Variants in MSI2 observed in about 807,000 individuals in gnomAD.
MSI2 encodes musashi RNA binding protein 2.
In MSI2, 17 loss-of-function variants were observed where a neutral mutation model predicts 45.6. The observed-to-expected ratio is 0.37, with a 90% CI of 0.26 to 0.56. MSI2 has a LOEUF of 0.56. Among genes scored for constraint, MSI2 ranks in the 20% least tolerant of loss-of-function variants. The probability of loss-of-function intolerance (pLI) is 0.77; values close to 1 mark genes in which losing one functional copy is unlikely to be tolerated. For synonymous variants in MSI2, 156 were observed against 158.2 expected, an observed-to-expected ratio of 0.99 and a Z score of 0.11; for missense variants, 293 against 444.2, an observed-to-expected ratio of 0.66 and a Z score of 3.06.
chr17:57,314,777 G>T (rs1371093539), intron 5 of MSI2, among the ~76,000 whole-genome samples: 1 of 151,952 alleles, frequency 6.6e-6, no homozygotes, highest in East Asian at 1.9e-4. Flanking sequence ...TCGCTATGTT[G>T]GCCAGGATGG....
chr17:57,474,542 C>A (rs1284908730), intron 6 of MSI2, among the ~76,000 whole-genome samples: 84 of 152,094 alleles, frequency 5.5e-4, no homozygotes, highest in Non-Finnish European at 1.0e-4. Flanking sequence ...CCAGTCATGA[C>A]AATCAAAAAT....
intron 5 of MSI2, among the ~76,000 whole-genome samples, chr17:57,359,088 C>T (rs1373413979): frequency 6.6e-6 from 1 of 152,042 alleles, no homozygotes; most frequent in Non-Finnish European, 1.5e-5. Context: ...GGCAGGGGCC[C>T]CTTCCTTTCT....
In MSI2 at chr17:57,280,615, G is replaced by A. The variant is rs1909332707; in HGVS notation, c.312+18423G>A. ...GTTGGCCCATGCAGGGGACAGGCAG[G>A]GCAGGTGTGCCTGGCTCAGGGGGTT... On this transcript the variant is annotated intron_variant, in intron 5 of 13. Coordinates refer to ENST00000284073, the MANE Select transcript of MSI2 (RefSeq NM_138962.4). This position sits in a 1 kb window ranked among gnomAD's most constrained non-coding sequence, Gnocchi z 4.2. Among the ~76,000 whole-genome samples the A allele has an allele frequency of 6.6e-6, 1 of 152,116 alleles. No individual in the cohort carries two copies. Among genetic ancestry groups the A allele is most frequent in the South Asian group, 2.1e-4 (1 of 4,822 alleles).
intron 10 of MSI2, among the ~76,000 whole-genome samples, chr17:57,647,274 CAAAAAAAAAAA>C (rs33915774): frequency 0.047 from 1,756 of 37,722 alleles, 50 homozygotes; most frequent in African/African-American, 0.14. Context: ...ACTAAAAATA[CAAAAAAAAAAA>C]AAAAAAAAAA....
chr17:57,431,739 G>A (rs1012558297), intron 6 of MSI2, among the ~76,000 whole-genome samples: 18 of 152,220 alleles, frequency 1.2e-4, no homozygotes, highest in African/African-American at 4.3e-4. Context: ...GTGGCAAGAA[G>A]ATAGGCCCCA....
intron 5 of MSI2, among the ~76,000 whole-genome samples, chr17:57,305,607 A>G (rs1911813868): frequency 1.3e-5 from 2 of 152,196 alleles, no homozygotes; most frequent in Admixed American, 1.3e-4. Flanking sequence ...CGGGCAGTTC[A>G]GGCAGGGTGA....
At position 57,325,962 on chromosome 17, in the gene MSI2, C is replaced by T. The variant is rs141525109; in HGVS notation, c.312+63770C>T. ...CCTGAACATTCTTCACTGATTGCTA[C>T]CTCCTGCCTTTGCATCTGCTGGTCC... is the stretch of plus-strand genomic sequence containing the variant. On this transcript the variant is annotated intron_variant, in intron 5 of 13. Coordinates refer to ENST00000284073, the MANE Select transcript of MSI2 (RefSeq NM_138962.4). Among the ~76,000 whole-genome samples the T allele has an allele frequency of 2.6e-5, 4 of 152,280 alleles. No individual in the cohort carries two copies. The East Asian group carries it at 7.7e-4, about 29-fold the overall frequency.
At chr17:57,454,591 C>T (rs936526363) in intron 6 of MSI2, among the ~76,000 whole-genome samples, 1 of 152,042 alleles carries the variant, frequency 6.6e-6, no homozygotes, top group Non-Finnish European at 1.5e-5. Context: ...CACCCGCCAC[C>T]ACGCCTGGCA....
At chr17:57,632,409 TG>T (rs2144625770) in intron 10 of MSI2, 1 of 1,066,238 alleles carries the variant, frequency 9.4e-7, no homozygotes, top group Admixed American at 5.3e-5. Context: ...CAGTGGCTGT[TG>T]GCATAATCAC....
rs556485938 is a variant in MSI2, at chr17:57,415,498, A to G, written c.405+14027A>G. On this transcript the variant is annotated intron_variant, in intron 6 of 13. Coordinates refer to ENST00000284073, the MANE Select transcript of MSI2 (RefSeq NM_138962.4). ...ATTGTGACCCTGGGCTATTGATTCA[A>G]CTGTCTCCTGAGCCTGGTTTCTCAT... 2.6e-5 allele frequency among the ~76,000 whole-genome samples: 4 copies of G among 152,190 alleles called. No individual in the cohort carries two copies. The South Asian group carries it at 8.3e-4, about 32-fold the overall frequency.
intron 6 of MSI2, among the ~76,000 whole-genome samples, chr17:57,463,782 T>C (rs1339225819): frequency 2.7e-5 from 4 of 146,418 alleles, no homozygotes; most frequent in Non-Finnish European, 4.5e-5. Context: ...CCTCTCTAAA[T>C]AGTTGAGACC....
At chr17:57,637,400 G>T (rs1909919647) in intron 10 of MSI2, among the ~76,000 whole-genome samples, 1 of 152,214 alleles carries the variant, frequency 6.6e-6, no homozygotes, top group Non-Finnish European at 1.5e-5. Flanking sequence ...GCAGAGCACG[G>T]TGCCTAATAG....
chr17:57,569,829 TG>T (rs2144301601), intron 7 of MSI2, among the ~76,000 whole-genome samples: 1 of 152,326 alleles, frequency 6.6e-6, no homozygotes, highest in South Asian at 2.1e-4. Context: ...ATTATCTTCC[TG>T]GCTGAAATGA....
intron 7 of MSI2, among the ~76,000 whole-genome samples, chr17:57,558,704 C>T (rs1340362011): frequency 6.6e-6 from 1 of 152,230 alleles, no homozygotes; most frequent in Non-Finnish European, 1.5e-5. Context: ...CCCGCTGTCT[C>T]TTCATGGAGT....
At chr17:57,514,678 A>G (rs1457353010) in intron 6 of MSI2, among the ~76,000 whole-genome samples, 5 of 146,744 alleles carry the variant, frequency 3.4e-5, no homozygotes, top group African/African-American at 1.0e-4. Context: ...TTTTTAAGGG[A>G]AGATATGGGT....
At chr17:57,402,288 C>T (rs952992624) in intron 6 of MSI2, among the ~76,000 whole-genome samples, 2 of 152,168 alleles carry the variant, frequency 1.3e-5, no homozygotes, top group African/African-American at 4.8e-5. Context: ...ATACCACCCT[C>T]CTCTGGCCCC....
chr17:57,309,997 G>T (rs959464982), intron 5 of MSI2, among the ~76,000 whole-genome samples: 1 of 152,220 alleles, frequency 6.6e-6, no homozygotes, highest in African/African-American at 2.4e-5. Flanking sequence ...GAGTATGAAG[G>T]GTTTGGGCTT....
At chr17:57,530,574 G>A (rs2086801338) in intron 7 of MSI2, among the ~76,000 whole-genome samples, 1 of 152,200 alleles carries the variant, frequency 6.6e-6, no homozygotes, top group African/African-American at 2.4e-5. Flanking sequence ...TTAACAGGGT[G>A]TTAATGAGCA....
the MSI2 span, among the ~76,000 whole-genome samples, chr17:57,693,150 G>A: frequency 6.5e-4 from 99 of 151,582 alleles, 4 homozygotes; most frequent in South Asian, 0.02. Flanking sequence ...TTCTCCTTGT[G>A]TTTAATTTGT....
Sources: allele counts gnomAD v4.1 joint callset (sites outside exome capture counted in the v4.1 genomes callset), GRCh38; gene constraint gnomAD v4.1.1; non-coding constraint Gnocchi (gnomAD v3.1); transcripts MANE v1.5; gene names NCBI Gene and HGNC (gene_info 2026-07-23, HGNC 2026-07-21).